Variants in VAC14 observed in about 807,000 individuals in gnomAD.
VAC14 encodes the protein protein VAC14 homolog.
Under a neutral mutation model 85.3 loss-of-function variants are expected in VAC14, and 47 were observed. The ratio of observed to expected loss-of-function variants is 0.55; its 90% CI spans 0.44 to 0.70. The LOEUF (loss-of-function observed/expected upper bound fraction) is 0.70, where lower values mean the gene tolerates loss of function less well. Among genes scored for constraint, VAC14 ranks in the 30% least tolerant of loss-of-function variants. The probability of loss-of-function intolerance (pLI) is 0.00; values close to 1 mark genes in which losing one functional copy is unlikely to be tolerated. For synonymous variants in VAC14, 447 were observed against 430.5 expected (o/e 1.04, Z -0.47); for missense variants, 861 against 1,004.3 (o/e 0.86, Z 1.93).
At chr16:70,694,932 C>A (rs1042316707) in intron 17 of VAC14, among the ~76,000 whole-genome samples, 3 of 152,194 alleles carry the variant, frequency 2.0e-5, no homozygotes, top group Non-Finnish European at 4.4e-5. Flanking sequence ...AGGCAGCAGA[C>A]CCGGAGGGGT....
At chr16:70,765,509 C>G (rs2032739898) in intron 10 of VAC14, among the ~76,000 whole-genome samples, 1 of 152,170 alleles carries the variant, frequency 6.6e-6, no homozygotes, top group Non-Finnish European at 1.5e-5. Flanking sequence ...AGCCCTATGG[C>G]CTAAAGCATG....
At chr16:70,784,657 T>C (rs2033965773) in intron 4 of VAC14, 119 bp downstream of exon 4, 1 of 1,039,182 alleles carries the variant, frequency 9.6e-7, no homozygotes, top group Non-Finnish European at 1.5e-6. Context: ...GGAGTACATG[T>C]AAATTTAAAA....
At chr16:70,697,884 AGGGTGTAAGCAGGGTCTGAGCC>A (rs1391140303) in intron 15 of VAC14, among the ~76,000 whole-genome samples, 1 of 152,106 alleles carries the variant, frequency 6.6e-6, no homozygotes, top group African/African-American at 2.4e-5. Flanking sequence ...GCTCCTGGGG[AGGGTGTAAGCAGGGTCTGAGCC>A]GGCAGGGGAC....
At chr16:70,708,953 G>A (rs1006117925) in intron 14 of VAC14, among the ~76,000 whole-genome samples, 3 of 152,212 alleles carry the variant, frequency 2.0e-5, no homozygotes, top group African/African-American at 7.2e-5. Flanking sequence ...GGTCACTAAA[G>A]GAAATCCTGT....
chr16:70,727,259 T>C (rs2054455803), intron 14 of VAC14, among the ~76,000 whole-genome samples: 1 of 152,214 alleles, frequency 6.6e-6, no homozygotes, highest in South Asian at 2.1e-4. Flanking sequence ...GGTTAAGAAA[T>C]CATTGTGCTC....
intron 9 of VAC14, among the ~76,000 whole-genome samples, chr16:70,773,907 A>T: frequency 6.6e-6 from 1 of 151,622 alleles, no homozygotes; most frequent in Non-Finnish European, 1.5e-5. Flanking sequence ...CTGGGACTAT[A>T]GGCACGTACC....
intron 13 of VAC14, among the ~76,000 whole-genome samples, chr16:70,734,459 A>G (rs2054688419): frequency 6.6e-6 from 1 of 152,150 alleles, no homozygotes; most frequent in Non-Finnish European, 1.5e-5. Context: ...ATTTTTTTGA[A>G]GCACAAAATT....
rs1307426108 is a variant in VAC14 at position 70,800,789 on chromosome 16, G to A, written c.104+8C>T. 3 of 1,609,026 alleles carry A rather than the reference G, an allele frequency of 1.9e-6. No individual in the cohort carries two copies. The highest frequency in any genetic ancestry group is 2.7e-5 in the African/African-American group (2 of 74,304). On this transcript the variant is annotated splice_region_variant and intron_variant, in intron 1 of 18. Coordinates refer to ENST00000261776, the MANE Select transcript of VAC14 (RefSeq NM_018052.5). Reference sequence around the variant, plus strand: ...GCATAGCCAGGGAGGGGTCCTGGCGGCTCTTACTTCTCGATCTCCAGCGCT... The same window carrying A: ...GCATAGCCAGGGAGGGGTCCTGGCGACTCTTACTTCTCGATCTCCAGCGCT...
intron 12 of VAC14, chr16:70,747,841 T>A (rs1013050317): frequency 6.6e-6 from 1 of 152,044 alleles, no homozygotes; most frequent in African/African-American, 2.4e-5. Flanking sequence ...CTCGGCAAGA[T>A]CCCTGTGCCA....
At chr16:70,735,071 C>T (rs975476310) in intron 13 of VAC14, among the ~76,000 whole-genome samples, 1 of 152,072 alleles carries the variant, frequency 6.6e-6, no homozygotes, top group Non-Finnish European at 1.5e-5. Flanking sequence ...GACGGAAACC[C>T]AGGTCCTGCC....
intron 18 of VAC14, chr16:70,688,549 G>T: frequency 1.0e-6 from 1 of 986,110 alleles, no homozygotes; most frequent in Non-Finnish European, 1.2e-6. Context: ...AAGAGCCTCT[G>T]CCGGGCCCTC....
At chr16:70,688,932 G>A in intron 18 of VAC14, 1 of 985,520 alleles carries the variant, frequency 1.0e-6, no homozygotes, top group Non-Finnish European at 1.2e-6. Flanking sequence ...GATCCATGTG[G>A]GCTAGGAAGT....
At chr16:70,783,005 T>C in intron 7 of VAC14, 28 bp downstream of exon 7, 2 of 1,603,082 alleles carry the variant, frequency 1.2e-6, no homozygotes, top group South Asian at 1.1e-5. Context: ...GTGGCAGCCG[T>C]GGCTGTGGGC....
intron 7 of VAC14, 124 bp from the exon 8 acceptor site, chr16:70,782,127 C>T: frequency 1.5e-6 from 2 of 1,321,382 alleles, no homozygotes; most frequent in South Asian, 2.9e-5. Context: ...CGGCTTCCAG[C>T]CTCACCAATG....
chr16:70,742,942 G>GCTAAA (rs1169458738), intron 13 of VAC14, among the ~76,000 whole-genome samples: 1 of 152,248 alleles, frequency 6.6e-6, no homozygotes, highest in Non-Finnish European at 1.5e-5. Context: ...ACACCAATCA[G>GCTAAA]TGCTCTGTGT....
intron 14 of VAC14, among the ~76,000 whole-genome samples, chr16:70,705,697 C>G (rs1321694144): frequency 6.6e-6 from 1 of 152,192 alleles, no homozygotes; most frequent in Non-Finnish European, 1.5e-5. Context: ...CTCTCTACTC[C>G]AGCCCTCACT....
chr16:70,725,137 A>C (rs939945427), intron 14 of VAC14, among the ~76,000 whole-genome samples: 2 of 152,258 alleles, frequency 1.3e-5, no homozygotes, highest in Admixed American at 1.3e-4. Context: ...CATTAGCACC[A>C]GCACAATGGG....
rs2033936244 is a variant in VAC14 at position 70,784,046 on chromosome 16, A to G, written c.594+67T>C. 6 of 1,325,406 alleles carry G rather than the reference A, an allele frequency of 4.5e-6. No individual in the cohort carries two copies. The Admixed American group carries it at 1.0e-4, about 22-fold the overall frequency. The allele number at this position is 1,325,406 out of a possible 1,614,324, so 82.1% of individuals were successfully genotyped here. On this transcript the variant is annotated intron_variant, in intron 5 of 18. Coordinates refer to ENST00000261776, the MANE Select transcript of VAC14 (RefSeq NM_018052.5). ...GGTTCCTATAGCCAAAGGGCCTGAC[A>G]AGAGTGTGCTAGAGAGCAGATTTTC...
At chr16:70,780,332 G>A (rs2033748448) in intron 9 of VAC14, among the ~76,000 whole-genome samples, 1 of 151,978 alleles carries the variant, frequency 6.6e-6, no homozygotes, top group South Asian at 2.1e-4. Flanking sequence ...AGAATGACCC[G>A]CATGGTAAAG....
Sources: allele counts gnomAD v4.1 joint callset (sites outside exome capture counted in the v4.1 genomes callset), GRCh38; gene constraint gnomAD v4.1.1; transcripts MANE v1.5; gene names NCBI Gene and HGNC (gene_info 2026-07-23, HGNC 2026-07-21).